The following SPINK6 variants were observed in gnomAD, a reference collection of about 807,000 sequenced individuals.
SPINK6 encodes serine peptidase inhibitor Kazal type 6, also known as serine protease inhibitor Kazal-type 6.
A neutral mutation model predicts 11.7 loss-of-function variants in SPINK6; 13 were observed. The observed-to-expected ratio is 1.11, with a 90% CI of 0.72 to 1.76. The LOEUF (loss-of-function observed/expected upper bound fraction) is 1.76, where lower values mean the gene tolerates loss of function less well. SPINK6 is among the 40% of genes most tolerant of loss of function. The pLI is 0.00. For missense variants in SPINK6, 98 were observed against 93.7 expected (o/e 1.05, Z -0.19); for synonymous variants, 21 against 31.9 (o/e 0.66, Z 1.15).
intron 2 of SPINK6, among the ~76,000 whole-genome samples, chr5:148,212,358 G>A (rs542910690): frequency 1.4e-3 from 216 of 150,030 alleles, no homozygotes; most frequent in Middle Eastern, 3.5e-3. Flanking sequence ...GTAATAAAAA[G>A]ACATAGATGC....
chr5:148,209,993 TACAC>T (rs1168850807), intron 2 of SPINK6, among the ~76,000 whole-genome samples: 6 of 72,126 alleles, frequency 8.3e-5, no homozygotes, highest in African/African-American at 2.1e-4. Flanking sequence ...TGTATACATA[TACAC>T]GTATGTATAC....
upstream of SPINK6, chr5:148,202,852 G>T: frequency 2.6e-6 from 1 of 382,278 alleles, no homozygotes; most frequent in Non-Finnish European, 4.6e-6. Context: ...GAAAATGTAG[G>T]CTACCAGTAG....
chr5:148,214,312 T>C (rs1755654471), intron 3 of SPINK6, among the ~76,000 whole-genome samples: 1 of 152,160 alleles, frequency 6.6e-6, no homozygotes, highest in Non-Finnish European at 1.5e-5. Flanking sequence ...TTATAACTTA[T>C]TATATTTAAT....
intron 2 of SPINK6, among the ~76,000 whole-genome samples, chr5:148,210,206 ATTTC>A (rs1755570143): frequency 7.0e-6 from 1 of 142,530 alleles, no homozygotes; most frequent in African/African-American, 2.6e-5. Context: ...ATGCATATGT[ATTTC>A]TGCATGCATA....
In SPINK6 at chr5:148,206,081, G is replaced by T. The variant is rs113097737; in HGVS notation, c.81+23G>T. Reference sequence around the variant, plus strand: ...CAGGTCAGTGCCTATTTTTATCTCTGCTTTCTGCCTGGGTGGTGCTTGGCT... The same window carrying T: ...CAGGTCAGTGCCTATTTTTATCTCTTCTTTCTGCCTGGGTGGTGCTTGGCT... On this transcript the variant is annotated intron_variant, in intron 2 of 3. Transcript: ENST00000325630. 6,809 of 1,613,746 alleles carry T rather than the reference G, an allele frequency of 4.2e-3. 131 individuals are homozygous for T. The African/African-American group carries it at 0.054, about 13-fold the overall frequency.
intron 2 of SPINK6, among the ~76,000 whole-genome samples, chr5:148,209,955 T>TGTATACATACATACGTACATATGC (rs1186448001): frequency 1.4e-5 from 2 of 143,350 alleles, no homozygotes; most frequent in African/African-American, 5.8e-5. Flanking sequence ...GTTTCATATA[T>TGTATACATACATACGTACATATGC]ATGTATACAT....
chr5:148,206,069 A>G lies in SPINK6; in HGVS notation c.81+11A>G, dbSNP rs1755494633. 4 of 1,613,808 alleles carry G rather than the reference A, an allele frequency of 2.5e-6. No homozygotes were observed. Among genetic ancestry groups the G allele is most frequent in the Admixed American group, 1.7e-5 (1 of 59,964 alleles). The stretch of plus-strand genomic sequence containing the variant: ...AGTCAGGGAGGACAGGTCAGTGCCT[A>G]TTTTTATCTCTGCTTTCTGCCTGGG... On this transcript the variant is annotated intron_variant, in intron 2 of 3. Coordinates refer to ENST00000325630, the MANE Select transcript of SPINK6 (RefSeq NM_205841.4).
chr5:148,206,391 A>G (rs1286368099), intron 2 of SPINK6, among the ~76,000 whole-genome samples: 1 of 152,182 alleles, frequency 6.6e-6, no homozygotes, highest in African/African-American at 2.4e-5. Flanking sequence ...AACTATAGAA[A>G]AGGGATAATA....
intron 1 of SPINK6, among the ~76,000 whole-genome samples, 154 bp downstream of exon 1, chr5:148,203,308 G>A (rs1030365929): frequency 6.6e-6 from 1 of 152,074 alleles, no homozygotes; most frequent in Admixed American, 6.5e-5. Context: ...TGACGACAAT[G>A]GTTATGGTAA....
At chr5:148,211,749 T>C (rs1380645037) in intron 2 of SPINK6, among the ~76,000 whole-genome samples, 1 of 152,150 alleles carries the variant, frequency 6.6e-6, no homozygotes, top group Non-Finnish European at 1.5e-5. Flanking sequence ...CTATGGAAGT[T>C]TGTTCATATG....
intron 1 of SPINK6, among the ~76,000 whole-genome samples, chr5:148,204,714 C>T (rs12188857): frequency 0.46 from 70,111 of 151,590 alleles, 16,938 homozygotes; most frequent in East Asian, 0.72. Flanking sequence ...GCATGTTTAA[C>T]AAATGTCTAT....
chr5:148,206,074 T>TA lies in SPINK6; in HGVS notation c.81+17dup. 6.2e-7 allele frequency: 1 copy of TA among 1,614,016 alleles called. No homozygotes were observed. The highest frequency in any genetic ancestry group is 1.3e-5 in the African/African-American group (1 of 75,048). On this transcript the variant is annotated intron_variant, in intron 2 of 3. Coordinates refer to ENST00000325630, the MANE Select transcript of SPINK6 (RefSeq NM_205841.4). ...GGGAGGACAGGTCAGTGCCTATTTTTATCTCTGCTTTCTGCCTGGGTGGTG... is the reference window on the plus strand; with the variant it reads ...GGGAGGACAGGTCAGTGCCTATTTTTAATCTCTGCTTTCTGCCTGGGTGGTG...
chr5:148,209,963 C>G, intron 2 of SPINK6, among the ~76,000 whole-genome samples: 1 of 149,182 alleles, frequency 6.7e-6, no homozygotes, highest in African/African-American at 2.5e-5. Context: ...TATATGTATA[C>G]ATACATACGT....
At chr5:148,213,882 G>A in intron 2 of SPINK6, 28 bp from the exon 3 acceptor site, 1 of 1,192,046 alleles carries the variant, frequency 8.4e-7, no homozygotes, top group Non-Finnish European at 1.3e-6. Flanking sequence ...ATGCACTGAT[G>A]TCAATGTCAC....
chr5:148,214,793 T>A, intron 3 of SPINK6, 112 bp from the exon 4 acceptor site: 1 of 804,096 alleles, frequency 1.2e-6, no homozygotes, highest in East Asian at 2.7e-5. Flanking sequence ...TAAATGGAAT[T>A]TATAGAATCA....
upstream of SPINK6, chr5:148,203,037 T>C: frequency 2.1e-6 from 3 of 1,435,586 alleles, no homozygotes; most frequent in Non-Finnish European, 2.9e-6. Context: ...CTGGGAATTG[T>C]CTTGACAGAG....
In SPINK6 at chr5:148,214,456, A is replaced by T. The variant is rs866152046; in HGVS notation, c.197+431A>T. Reference sequence around the variant, plus strand: ...ACCAAACTTTTCTCAGGAGAAAGTCAGTGGTGTAATATGAGATTTGAATTA... The same window carrying T: ...ACCAAACTTTTCTCAGGAGAAAGTCTGTGGTGTAATATGAGATTTGAATTA... On this transcript the variant is annotated intron_variant, in intron 3 of 3. Coordinates refer to ENST00000325630, the MANE Select transcript of SPINK6 (RefSeq NM_205841.4). Among the ~76,000 whole-genome samples, 8 of 152,336 alleles carry T rather than the reference A, an allele frequency of 5.3e-5. No individual in the cohort carries two copies. In the South Asian group the frequency reaches 8.3e-4, roughly 16 times the overall value.
chr5:148,205,992 A>G, intron 1 of SPINK6, 44 bp from the exon 2 acceptor site: 1 of 1,610,168 alleles, frequency 6.2e-7, no homozygotes, highest in African/African-American at 1.3e-5. Flanking sequence ...CACTTTTTGT[A>G]CATCAATGAA....
At chr5:148,207,338 T>C (rs1471213359) in intron 2 of SPINK6, among the ~76,000 whole-genome samples, 2 of 152,184 alleles carry the variant, frequency 1.3e-5, no homozygotes, top group Admixed American at 1.3e-4. Flanking sequence ...TCTTTGAACG[T>C]TGATTTCTCA....
Sources: allele counts gnomAD v4.1 joint callset (sites outside exome capture counted in the v4.1 genomes callset), GRCh38; gene constraint gnomAD v4.1.1; transcripts MANE v1.5; gene names NCBI Gene and HGNC (gene_info 2026-07-23, HGNC 2026-07-21).